Variants in DYNC2LI1 observed in about 807,000 individuals in gnomAD.
DYNC2LI1 encodes cytoplasmic dynein 2 light intermediate chain 1.
A neutral mutation model predicts 51.9 loss-of-function variants in DYNC2LI1; 45 were observed. That is an observed-to-expected ratio of 0.87 (90% CI 0.68 to 1.11). DYNC2LI1 has a LOEUF of 1.11. Ranked by LOEUF, DYNC2LI1 falls within the 50% of genes most tolerant of loss-of-function variation. The pLI is 0.00. For synonymous variants in DYNC2LI1, 130 were observed against 137.8 expected (o/e 0.94, Z 0.40); for missense variants, 490 against 417.4 (o/e 1.17, Z -1.51).
chr2:43,809,686 A>T lies in DYNC2LI1; in HGVS notation c.994-19A>T. On this transcript the variant is annotated intron_variant, in intron 12 of 12. Transcript: ENST00000260605. ...AGTAAAGTTGATTTTTCTTAAAGTG[A>T]TACATATTTTTGTTTTAGGAACTGG... 6.3e-7 allele frequency: 1 copy of T among 1,582,422 alleles called. No homozygotes were observed. The highest frequency in any genetic ancestry group is 1.1e-5 in the South Asian group (1 of 87,380).
chr2:43,812,911 G>C, downstream of DYNC2LI1: 1 of 576,276 alleles, frequency 1.7e-6, no homozygotes, highest in Non-Finnish European at 3.1e-6. Context: ...ACATGTCCCT[G>C]CAAGTTGTAA....
chr2:43,824,927 T>G, the DYNC2LI1 span: 7 of 1,613,970 alleles, frequency 4.3e-6, no homozygotes, highest in Non-Finnish European at 5.9e-6. Flanking sequence ...AGGACAAGGG[T>G]AACCGCAGTC....
At chr2:43,784,256 A>G (rs1036359632) in intron 3 of DYNC2LI1, among the ~76,000 whole-genome samples, 2 of 152,180 alleles carry the variant, frequency 1.3e-5, no homozygotes, top group African/African-American at 4.8e-5. Context: ...TTTCACCAAC[A>G]ATATTGTTTC....
chr2:43,818,872 A>T, the DYNC2LI1 span, among the ~76,000 whole-genome samples: 1 of 152,062 alleles, frequency 6.6e-6, no homozygotes, highest in Non-Finnish European at 1.5e-5. Flanking sequence ...TGAAATAGTG[A>T]TCTCTTTTTT....
chr2:43,826,652 T>G, the DYNC2LI1 span: 1 of 1,398,454 alleles, frequency 7.2e-7, no homozygotes. Context: ...GAAGTAAACA[T>G]GTAAACTGGC....
At chr2:43,798,593 A>T (rs1438596953) in intron 8 of DYNC2LI1, among the ~76,000 whole-genome samples, 1 of 152,220 alleles carries the variant, frequency 6.6e-6, no homozygotes, top group East Asian at 1.9e-4. Context: ...GTCTGGTCTC[A>T]TGGGTACAAA....
downstream of DYNC2LI1, chr2:43,812,888 T>A: frequency 1.8e-6 from 1 of 550,402 alleles, no homozygotes; most frequent in East Asian, 3.1e-5. Context: ...TCAGTCACAA[T>A]TTCCAAATAA....
In DYNC2LI1 at chr2:43,801,658, C is replaced by G; in HGVS notation, c.751C>G (p.Gln251Glu). The G allele has an allele frequency of 3.7e-6, 6 of 1,609,986 alleles. No homozygotes were observed. Among genetic ancestry groups the G allele is most frequent in the Non-Finnish European group, 5.1e-6 (6 of 1,177,852 alleles). Residue 251 changes from glutamine (Q) to glutamate (E), a missense_variant, in exon 10 of 13, where the codon CAG becomes GAG. Transcript: ENST00000260605. ...IDKSKSICVDQNKPLFITAGL... is the reference protein window; with the variant it reads ...IDKSKSICVDENKPLFITAGL... Reference sequence around the variant, plus strand: ...ACGTAGCAAATCAATATGTGTGGATCAGAATAAACCGCTGTTTATCACAGC... The same window carrying G: ...ACGTAGCAAATCAATATGTGTGGATGAGAATAAACCGCTGTTTATCACAGC...
chr2:43,778,806 G>GT (rs1171930096), intron 2 of DYNC2LI1, among the ~76,000 whole-genome samples: 1 of 151,852 alleles, frequency 6.6e-6, no homozygotes, highest in Non-Finnish European at 1.5e-5. Context: ...GTTTTGTTTT[G>GT]TTTTTTTGTT....
intron 8 of DYNC2LI1, among the ~76,000 whole-genome samples, chr2:43,797,646 A>G (rs1399738911): frequency 6.7e-6 from 1 of 149,318 alleles, no homozygotes; most frequent in East Asian, 2.0e-4. Context: ...CAGCCTCCTG[A>G]GTAGCTGGGA....
At chr2:43,795,030 C>A in intron 6 of DYNC2LI1, 1 of 1,090,364 alleles carries the variant, frequency 9.2e-7, no homozygotes. Flanking sequence ...GTTGTAATAG[C>A]CTTCACCATC....
the DYNC2LI1 span, chr2:43,827,929 C>G: frequency 6.2e-7 from 1 of 1,610,256 alleles, no homozygotes; most frequent in Non-Finnish European, 8.5e-7. Context: ...AGTATCTGCA[C>G]ACACACAGAA....
chr2:43,800,685 T>G (rs1666047292), intron 8 of DYNC2LI1, among the ~76,000 whole-genome samples, 156 bp from the exon 9 acceptor site: 1 of 152,196 alleles, frequency 6.6e-6, no homozygotes, highest in Non-Finnish European at 1.5e-5. Flanking sequence ...ATTTCTTTAT[T>G]CAGGTTTTGT....
Position 43,801,646 on chromosome 2 carries a change from A to G in DYNC2LI1, c.739A>G (p.Ile247Val), listed in dbSNP as rs146556307. Residue 247 changes from isoleucine to valine, a missense_variant, in exon 10 of 13, where the codon ATA becomes GTA. Physicochemically the swap from Ile to Val is conservative, Grantham distance 29. Transcript: ENST00000260605. ...LAFGIDKSKS[I>V]CVDQNKPLFI... is the part of the protein sequence containing the mutation. ...TTTCTCTTCTCCACGTAGCAAATCA[A>G]TATGTGTGGATCAGAATAAACCGCT... is the stretch of plus-strand genomic sequence containing the variant. 1.2e-5 allele frequency: 20 copies of G among 1,608,388 alleles called. No individual in the cohort carries two copies. In the African/African-American group the frequency reaches 1.5e-4, roughly 12 times the overall value.
chr2:43,796,608 A>C lies in DYNC2LI1; in HGVS notation c.577-110A>C, dbSNP rs1674046775. 3 of 772,770 alleles carry C rather than the reference A, an allele frequency of 3.9e-6. 1 individual carries two copies. Among genetic ancestry groups the C allele is most frequent in the Non-Finnish European group, 6.2e-6 (3 of 483,476 alleles). 47.9% of individuals were successfully genotyped at this position (772,770 alleles called of 1,614,324 possible). ...TCAAGGTAATGGAATCCTATTCCTG[A>C]AAGTGAGTTTAAAAAAATAAGAAAT... is the stretch of plus-strand genomic sequence containing the variant. On this transcript the variant is annotated intron_variant, in intron 7 of 12. Transcript: ENST00000260605.
chr2:43,779,864 T>A (rs1182717866), intron 2 of DYNC2LI1, among the ~76,000 whole-genome samples: 1 of 152,190 alleles, frequency 6.6e-6, no homozygotes, highest in African/African-American at 2.4e-5. Flanking sequence ...CTGCCCAGAG[T>A]ACATGGTTTT....
At chr2:43,820,076 A>C in the DYNC2LI1 span, 1 of 1,614,124 alleles carries the variant, frequency 6.2e-7, no homozygotes, top group Admixed American at 1.7e-5. Flanking sequence ...CAAATCGGGC[A>C]ACCTCAGGAT....
the DYNC2LI1 span, among the ~76,000 whole-genome samples, chr2:43,815,537 C>T: frequency 6.6e-6 from 1 of 152,180 alleles, no homozygotes; most frequent in Non-Finnish European, 1.5e-5. Context: ...CTCAACCTTT[C>T]AGTTTCCTAA....
the DYNC2LI1 span, chr2:43,828,270 A>G: frequency 5.7e-5 from 56 of 978,224 alleles, no homozygotes; most frequent in South Asian, 3.9e-4. Context: ...TGTCTTTGAT[A>G]ATAATATGAT....
Sources: allele counts gnomAD v4.1 joint callset (sites outside exome capture counted in the v4.1 genomes callset), GRCh38; gene constraint gnomAD v4.1.1; transcripts MANE v1.5; gene names NCBI Gene and HGNC (gene_info 2026-07-23, HGNC 2026-07-21).